The following FANCI variants were observed in gnomAD, a reference collection of about 807,000 sequenced individuals.
FANCI encodes the protein Fanconi anemia group I protein.
FANCI carries 156 observed loss-of-function variants against 176.1 expected under a neutral mutation model. The observed-to-expected ratio is 0.89, with a 90% CI of 0.78 to 1.01. FANCI has a LOEUF of 1.01. FANCI is among the 50% of genes least tolerant of loss of function. FANCI has a pLI of 0.00. For synonymous variants in FANCI, 613 were observed against 541.7 expected, an observed-to-expected ratio of 1.13 and a Z score of -1.83; for missense variants, 1,678 against 1,534.1, an observed-to-expected ratio of 1.09 and a Z score of -1.57.
At chr15:89,265,832 T>G (rs2052925549) in intron 9 of FANCI, among the ~76,000 whole-genome samples, 1 of 152,132 alleles carries the variant, frequency 6.6e-6, no homozygotes, top group African/African-American at 2.4e-5. Context: ...GGATTTTTTG[T>G]TTTTTAAGCA....
chr15:89,283,336 T>C, intron 17 of FANCI, 86 bp downstream of exon 17: 1 of 1,591,020 alleles, frequency 6.3e-7, no homozygotes, highest in Non-Finnish European at 8.6e-7. Context: ...TTATTCCTGT[T>C]ATGGTTGTAA....
At chr15:89,317,199 A>C, downstream of FANCI, 1 of 640,770 alleles carries the variant, frequency 1.6e-6, no homozygotes, top group Non-Finnish European at 2.8e-6. Flanking sequence ...TTCATTTCTG[A>C]AACATCATAT....
At chr15:89,276,294 G>A (rs565344109) in intron 12 of FANCI, among the ~76,000 whole-genome samples, 1 of 152,266 alleles carries the variant, frequency 6.6e-6, no homozygotes, top group South Asian at 2.1e-4. Context: ...TAAGCAATGT[G>A]GGTAAAAATA....
chr15:89,284,319 A>G (rs1186498017), intron 17 of FANCI, among the ~76,000 whole-genome samples: 1 of 152,234 alleles, frequency 6.6e-6, no homozygotes, highest in Non-Finnish European at 1.5e-5. Context: ...GATGTACTAT[A>G]AGATTTATAA....
chr15:89,283,679 T>A (rs1420438022), intron 17 of FANCI, among the ~76,000 whole-genome samples: 1 of 152,164 alleles, frequency 6.6e-6, no homozygotes, highest in African/African-American at 2.4e-5. Flanking sequence ...ACTTTATCTC[T>A]TTCTCTTTTT....
intron 24 of FANCI, among the ~76,000 whole-genome samples, chr15:89,296,941 G>A (rs376990673): frequency 0.033 from 4,753 of 143,678 alleles, 275 homozygotes; most frequent in African/African-American, 0.1. Context: ...CCTCCCTCCC[G>A]GACGGGGCGG....
chr15:89,281,649 T>G, intron 15 of FANCI, 116 bp from the exon 16 acceptor site: 1 of 962,638 alleles, frequency 1.0e-6, no homozygotes, highest in Non-Finnish European at 1.7e-6. Context: ...CATTAAAACG[T>G]ATATAAAACA....
At chr15:89,278,583 T>G (rs1005930845) in intron 13 of FANCI, 104 bp from the exon 14 acceptor site, 37 of 793,458 alleles carry the variant, frequency 4.7e-5, no homozygotes, top group Middle Eastern at 2.2e-4. Flanking sequence ...ATTTTTTGAG[T>G]TTTACTCATA....
At chr15:89,288,866 CCTGGCTT>C (rs2053938683) in intron 18 of FANCI, among the ~76,000 whole-genome samples, 1 of 151,834 alleles carries the variant, frequency 6.6e-6, no homozygotes. Flanking sequence ...TCTCAAATGC[CCTGGCTT>C]CAAGCGATCC....
chr15:89,269,403 GT>G (rs556714049), intron 10 of FANCI, among the ~76,000 whole-genome samples: 15 of 148,518 alleles, frequency 1.0e-4, no homozygotes, highest in East Asian at 5.9e-4. Flanking sequence ...TTGCAGCTGT[GT>G]TTTTTTTTTC....
chr15:89,290,254 T>C lies in FANCI; in HGVS notation c.1863T>C (p.Asn621=), dbSNP rs370338925. 4 of 1,613,976 alleles carry C rather than the reference T, an allele frequency of 2.5e-6. No homozygotes were observed. The East Asian group carries it at 6.7e-5, about 27-fold the overall frequency. Residue 621 remains asparagine (N), a synonymous_variant, in exon 19 of 38, where the codon AAT becomes AAC. Transcript: ENST00000310775. The stretch of plus-strand genomic sequence containing the variant: ...TTCGAAGGAACTCTCAGCTGGCTAA[T>C]TCAGTCATGCAAACTCTGCTCTCAC... ...DVLRRNSQLA[N]SVMQTLLSQL...
At chr15:89,311,599 C>A (rs1324049796) in intron 34 of FANCI, among the ~76,000 whole-genome samples, 1 of 152,148 alleles carries the variant, frequency 6.6e-6, no homozygotes, top group Non-Finnish European at 1.5e-5. Context: ...GCTTCCTTGC[C>A]CTCTTCTGCT....
In FANCI at chr15:89,293,686, A is replaced by G. The variant is rs925420088; in HGVS notation, c.2292-147A>G. 7.0e-6 allele frequency: 6 copies of G among 860,290 alleles called. No individual in the cohort carries two copies. The Admixed American group carries it at 1.3e-4, about 19-fold the overall frequency. 53.3% of individuals were successfully genotyped at this position (860,290 alleles called of 1,614,324 possible). ...CCCAGATAGATTGCTGTGACCTGGG[A>G]GTATTATATTAATGAAGTTCTATTC... On this transcript the variant is annotated intron_variant, in intron 22 of 37. Transcript: ENST00000310775.
chr15:89,267,027 A>G (rs1480388310), intron 9 of FANCI, among the ~76,000 whole-genome samples: 1 of 151,810 alleles, frequency 6.6e-6, no homozygotes, highest in Non-Finnish European at 1.5e-5. Context: ...GCATGAAGAA[A>G]AACCTAAGAC....
chr15:89,289,275 G>A (rs956586269), intron 18 of FANCI, among the ~76,000 whole-genome samples: 3 of 151,644 alleles, frequency 2.0e-5, no homozygotes, highest in Non-Finnish European at 4.4e-5. Flanking sequence ...CCTTTGTTCC[G>A]TTCCTTTCCC....
chr15:89,247,605 A>C lies in FANCI; in HGVS notation c.-19-24A>C, dbSNP rs557572081. Reference sequence around the variant, plus strand: ...TTGTTTATTTCTGGAATCTTCACCCACCTCTGACGTTTTTCCCTTGTAGTT... The same window carrying C: ...TTGTTTATTTCTGGAATCTTCACCCCCCTCTGACGTTTTTCCCTTGTAGTT... On this transcript the variant is annotated intron_variant, in intron 1 of 37. Coordinates refer to ENST00000310775, the MANE Select transcript of FANCI (RefSeq NM_001113378.2). The C allele has an allele frequency of 9.2e-6, 14 of 1,517,608 alleles. No individual in the cohort carries two copies. In the African/African-American group the frequency reaches 9.6e-5, roughly 10 times the overall value. 94.0% of individuals were successfully genotyped at this position (1,517,608 alleles called of 1,614,324 possible). A position where few individuals can be genotyped will look rare whatever the true frequency, so the allele number is the denominator to read the frequency against.
At chr15:89,300,974 G>T (rs932569840) in intron 26 of FANCI, among the ~76,000 whole-genome samples, 3 of 152,202 alleles carry the variant, frequency 2.0e-5, no homozygotes, top group Non-Finnish European at 4.4e-5. Context: ...AACAGGGAAG[G>T]TATATAAGCA....
intron 32 of FANCI, among the ~76,000 whole-genome samples, chr15:89,306,961 G>A (rs1276980162): frequency 6.6e-6 from 1 of 152,078 alleles, no homozygotes; most frequent in African/African-American, 2.4e-5. Context: ...TACTAAGGTG[G>A]GGAAGAAAAT....
At chr15:89,265,815 C>T (rs1217682759) in intron 9 of FANCI, among the ~76,000 whole-genome samples, 1 of 152,190 alleles carries the variant, frequency 6.6e-6, no homozygotes, top group Non-Finnish European at 1.5e-5. Context: ...AGCCACCGTG[C>T]CTGGCCGGAT....
Sources: gnomAD v4.1 joint callset for allele counts (sites outside exome capture counted in the v4.1 genomes callset) on GRCh38, gnomAD v4.1.1 for gene constraint, MANE v1.5 for transcripts, NCBI Gene and HGNC (gene_info 2026-07-23, HGNC 2026-07-21) for gene names.